Variants in SERP2 observed in about 807,000 individuals in gnomAD.
The protein encoded by SERP2 is stress associated endoplasmic reticulum protein family member 2, also known as stress-associated endoplasmic reticulum protein 2.
Under a neutral mutation model 9.1 loss-of-function variants are expected in SERP2, and 6 were observed. That is an observed-to-expected ratio of 0.66 (90% CI 0.36 to 1.30). The LOEUF (loss-of-function observed/expected upper bound fraction) is 1.30, where lower values mean the gene tolerates loss of function less well. SERP2 is among the 50% of genes most tolerant of loss of function. SERP2 has a pLI of 0.03. For synonymous variants in SERP2, 37 were observed against 27.3 expected (o/e 1.35, Z -1.10); for missense variants, 58 against 81.9 (o/e 0.71, Z 1.13).
chr13:44,374,793 C>A (rs55887978), intron 1 of SERP2, among the ~76,000 whole-genome samples: 1,810 of 152,232 alleles, frequency 0.012, 38 homozygotes, highest in African/African-American at 0.041. Flanking sequence ...TCCAGCGAGA[C>A]CTCCCTCAGC....
rs1186894668 is a variant in SERP2, at chr13:44,373,921, G to A, written c.-105G>A. 1.8e-6 allele frequency: 2 copies of A among 1,082,466 alleles called. No individual in the cohort carries two copies. Among genetic ancestry groups the A allele is most frequent in the African/African-American group, 3.3e-5 (2 of 60,276 alleles). The allele number at this position is 1,082,466 out of a possible 1,614,324, so 67.1% of individuals were successfully genotyped here. On this transcript the variant is annotated 5_prime_UTR_variant, in exon 1 of 3. Transcript: ENST00000379179. The surrounding 1 kb of genome is among the most constrained non-coding windows in gnomAD (Gnocchi z 4.8). The stretch of plus-strand genomic sequence containing the variant: ...GGGGCCACGCCTTGCCACCTGCAGC[G>A]CCCGGGTGGGCCGCGGGGGCCTCGG...
At chr13:44,386,206 G>GA (rs138514047) in intron 2 of SERP2, among the ~76,000 whole-genome samples, 57 of 148,220 alleles carry the variant, frequency 3.8e-4, no homozygotes, top group Admixed American at 2.8e-3. Flanking sequence ...TGAATGTCAG[G>GA]AAAAAAAAAA....
At chr13:44,379,737 T>C (rs374612044) in intron 2 of SERP2, 24 bp downstream of exon 2, 6 of 1,544,766 alleles carry the variant, frequency 3.9e-6, no homozygotes, top group Non-Finnish European at 5.3e-6. Flanking sequence ...ACTGAACTTA[T>C]ATCCCATGTT....
chr13:44,385,082 G>C (rs1203533659), intron 2 of SERP2, among the ~76,000 whole-genome samples: 1 of 152,192 alleles, frequency 6.6e-6, no homozygotes, highest in Non-Finnish European at 1.5e-5. Context: ...TTAAGTATGT[G>C]CTCACTTATT....
At chr13:44,386,433 G>T (rs1872321504) in intron 2 of SERP2, among the ~76,000 whole-genome samples, 1 of 152,192 alleles carries the variant, frequency 6.6e-6, no homozygotes, top group Non-Finnish European at 1.5e-5. Context: ...GCCCAGGCTG[G>T]AGTGCATTGG....
intron 2 of SERP2, among the ~76,000 whole-genome samples, chr13:44,385,264 C>A (rs1177329844): frequency 2.6e-5 from 4 of 152,160 alleles, no homozygotes; most frequent in Non-Finnish European, 5.9e-5. Flanking sequence ...TGCCTGCCAT[C>A]CTAGTAAGAG....
intron 2 of SERP2, among the ~76,000 whole-genome samples, chr13:44,395,099 C>G (rs545051060): frequency 7.1e-4 from 108 of 152,352 alleles, no homozygotes; most frequent in Admixed American, 1.9e-3. Flanking sequence ...TCCCTGATCA[C>G]AAGAACAAAG....
chr13:44,395,559 G>A (rs1007655235), intron 2 of SERP2, among the ~76,000 whole-genome samples: 6 of 133,198 alleles, frequency 4.5e-5, no homozygotes, highest in Admixed American at 2.6e-4. Flanking sequence ...AGCCGAGATC[G>A]CACCACTGCA....
At position 44,392,858 on chromosome 13, in the gene SERP2, T is replaced by C. The variant is rs530725230; in HGVS notation, c.158-4414T>C. The stretch of plus-strand genomic sequence containing the variant: ...AATTCAAACTGTGGGCTGGGAGGCA[T>C]TGCCTAAGAAGAAAGAACGTAAGGA... On this transcript the variant is annotated intron_variant, in intron 2 of 2. Transcript: ENST00000379179. Among the ~76,000 whole-genome samples the C allele has an allele frequency of 3.3e-5, 5 of 152,206 alleles. No individual in the cohort carries two copies. In the East Asian group the frequency reaches 9.7e-4, roughly 29 times the overall value.
intron 1 of SERP2, 21 bp from the exon 2 acceptor site, chr13:44,379,620 C>CT (rs781717824): frequency 6.3e-7 from 1 of 1,589,392 alleles, no homozygotes; most frequent in African/African-American, 1.3e-5. Context: ...CCTAATCTTA[C>CT]TTTTTCCCAT....
At chr13:44,374,561 C>G (rs1377829261) in intron 1 of SERP2, among the ~76,000 whole-genome samples, 2 of 152,172 alleles carry the variant, frequency 1.3e-5, no homozygotes, top group Non-Finnish European at 2.9e-5. Context: ...TGTTCTAGAA[C>G]GTTTGTTGAA....
chr13:44,384,137 T>C (rs1872184466), intron 2 of SERP2, among the ~76,000 whole-genome samples: 1 of 152,190 alleles, frequency 6.6e-6, no homozygotes, highest in African/African-American at 2.4e-5. Context: ...TCTTCTCAGC[T>C]TGTCCTTGGT....
chr13:44,389,516 C>T (rs7338359), intron 2 of SERP2, among the ~76,000 whole-genome samples: 1 of 152,152 alleles, frequency 6.6e-6, no homozygotes, highest in African/African-American at 2.4e-5. Flanking sequence ...GCCTTCCCAA[C>T]TCTCCACCTC....
intron 2 of SERP2, among the ~76,000 whole-genome samples, chr13:44,381,321 T>A (rs1055277885): frequency 6.8e-6 from 1 of 148,078 alleles, no homozygotes; most frequent in Non-Finnish European, 1.5e-5. Context: ...GTGGGGAGGA[T>A]CACAAGGTCT....
chr13:44,387,469 G>A (rs1872383669), intron 2 of SERP2, among the ~76,000 whole-genome samples: 1 of 152,172 alleles, frequency 6.6e-6, no homozygotes, highest in Non-Finnish European at 1.5e-5. Context: ...GTATTCACAA[G>A]ACAGCTGTCT....
chr13:44,397,212 G>C, intron 2 of SERP2, 60 bp from the exon 3 acceptor site: 2 of 1,465,802 alleles, frequency 1.4e-6, no homozygotes, highest in Non-Finnish European at 1.9e-6. Flanking sequence ...GCTCACTGTG[G>C]GCTGGGTTTC....
chr13:44,383,385 T>TA (rs1056259862), intron 2 of SERP2, among the ~76,000 whole-genome samples: 4 of 152,206 alleles, frequency 2.6e-5, no homozygotes, highest in African/African-American at 9.6e-5. Context: ...TTATATGGCC[T>TA]AAACTTTTGC....
chr13:44,386,799 T>TA (rs1371024006), intron 2 of SERP2, among the ~76,000 whole-genome samples: 2 of 152,242 alleles, frequency 1.3e-5, no homozygotes, highest in African/African-American at 4.8e-5. Context: ...TGTCAAACCT[T>TA]AGCCTGGGAT....
At chr13:44,397,121 T>C in intron 2 of SERP2, 151 bp from the exon 3 acceptor site, 2 of 658,746 alleles carry the variant, frequency 3.0e-6, no homozygotes, top group Non-Finnish European at 5.5e-6. Flanking sequence ...CACTGACCTC[T>C]TGTTAACTTA....
Sources: allele counts gnomAD v4.1 joint callset (sites outside exome capture counted in the v4.1 genomes callset), GRCh38; gene constraint gnomAD v4.1.1; non-coding constraint Gnocchi (gnomAD v3.1); transcripts MANE v1.5; gene names NCBI Gene and HGNC (gene_info 2026-07-23, HGNC 2026-07-21).